The following CCDC85C variants were observed in gnomAD, a reference collection of about 807,000 sequenced individuals.
The protein encoded by CCDC85C is coiled-coil domain-containing protein 85C.
A neutral mutation model predicts 38.3 loss-of-function variants in CCDC85C; 18 were observed. That is an observed-to-expected ratio of 0.47 (90% CI 0.33 to 0.70). CCDC85C has a LOEUF of 0.70. Ranked by LOEUF, CCDC85C falls within the 30% of genes least tolerant of loss-of-function variation. CCDC85C has a pLI of 0.03. For synonymous variants in CCDC85C, 264 were observed against 293.8 expected (o/e 0.90, Z 1.04); for missense variants, 566 against 621.2 (o/e 0.91, Z 0.94).
chr14:99,559,416 T>C (rs1400526842), intron 1 of CCDC85C, among the ~76,000 whole-genome samples: 1 of 152,122 alleles, frequency 6.6e-6, no homozygotes, highest in African/African-American at 2.4e-5. Flanking sequence ...TATTACACCT[T>C]CTCTTATAGA....
At position 99,522,327 on chromosome 14, in the gene CCDC85C, G is replaced by C. The variant is rs537577460; in HGVS notation, c.868-87C>G. Reference sequence around the variant, plus strand: ...GGGCATGGCTCCTCACGGCAGCAGGGGCTGCTCAAAGGCACGGCCCCGGAG... The same window carrying C: ...GGGCATGGCTCCTCACGGCAGCAGGCGCTGCTCAAAGGCACGGCCCCGGAG... On this transcript the variant is annotated intron_variant, in intron 2 of 5. Transcript: ENST00000380243. 5 of 1,041,752 alleles carry C rather than the reference G, an allele frequency of 4.8e-6. No individual in the cohort carries two copies. In the African/African-American group the frequency reaches 8.0e-5, roughly 17 times the overall value. The allele number at this position is 1,041,752 out of a possible 1,614,324, so 64.5% of individuals were successfully genotyped here. A position where few individuals can be genotyped will look rare whatever the true frequency, so the allele number is the denominator to read the frequency against.
rs961352949 is a variant in CCDC85C, at chr14:99,515,466, C to T, written c.1171-131G>A. On this transcript the variant is annotated intron_variant, in intron 5 of 5. Coordinates refer to ENST00000380243, the MANE Select transcript of CCDC85C (RefSeq NM_001144995.2). ...CATGGGGCCAGGAGGGACACGGAGG[C>T]CACTGCAGGCCCAGAGACACCCACA... The T allele has an allele frequency of 4.7e-6, 3 of 642,340 alleles. No individual in the cohort carries two copies. In the Admixed American group the frequency reaches 7.6e-5, roughly 16 times the overall value. The allele number at this position is 642,340 out of a possible 1,614,324, so 39.8% of individuals were successfully genotyped here. A position where few individuals can be genotyped will look rare whatever the true frequency, so the allele number is the denominator to read the frequency against.
At position 99,603,149 on chromosome 14, in the gene CCDC85C, G is replaced by C; in HGVS notation, c.793+18C>G. ...GCAGCCAGGGAGACCCGCGCTGCCCGGCCCGTGTAGTCCTTACCGTGCAGG... is the reference window on the plus strand; with the variant it reads ...GCAGCCAGGGAGACCCGCGCTGCCCCGCCCGTGTAGTCCTTACCGTGCAGG... On this transcript the variant is annotated intron_variant, in intron 1 of 5. Coordinates refer to ENST00000380243, the MANE Select transcript of CCDC85C (RefSeq NM_001144995.2). This position sits in a 1 kb window ranked among gnomAD's most constrained non-coding sequence, Gnocchi z 7.5. 7.6e-7 allele frequency: 1 copy of C among 1,315,896 alleles called. No homozygotes were observed. The highest frequency in any genetic ancestry group is 2.0e-5 in the South Asian group (1 of 49,442). The allele number at this position is 1,315,896 out of a possible 1,614,324, so 81.5% of individuals were successfully genotyped here. A position where few individuals can be genotyped will look rare whatever the true frequency, so the allele number is the denominator to read the frequency against.
At chr14:99,565,226 CT>C (rs1375719137) in intron 1 of CCDC85C, among the ~76,000 whole-genome samples, 1 of 152,232 alleles carries the variant, frequency 6.6e-6, no homozygotes, top group Non-Finnish European at 1.5e-5. Context: ...CCAGCTGCCC[CT>C]CTCACCTTCC....
chr14:99,557,467 T>C (rs1048750707), intron 1 of CCDC85C, among the ~76,000 whole-genome samples: 3 of 152,180 alleles, frequency 2.0e-5, no homozygotes, highest in African/African-American at 7.2e-5. Context: ...TCTGTGCCAT[T>C]TCCCCATATA....
In CCDC85C at chr14:99,501,336, C is replaced by G. The variant is rs778240539; in HGVS notation, c.*13910G>C. 6.4e-7 allele frequency: 1 copy of G among 1,554,648 alleles called. No homozygotes were observed. The highest frequency in any genetic ancestry group is 1.7e-5 in the Admixed American group (1 of 59,758). ...AATTTTTCTATTGCTATTAATTTAC[C>G]TTTTTGTCCCCATTTCTAGGTGATA... is the stretch of plus-strand genomic sequence containing the variant. On this transcript the variant is annotated 3_prime_UTR_variant, in exon 6 of 6. Transcript: ENST00000380243.
chr14:99,557,284 C>T (rs1161800691), intron 1 of CCDC85C, among the ~76,000 whole-genome samples: 2 of 152,212 alleles, frequency 1.3e-5, no homozygotes, highest in Admixed American at 1.3e-4. Flanking sequence ...GGCTCTAATT[C>T]ACCAGGGCAC....
chr14:99,579,918 C>G (rs2054946864), intron 1 of CCDC85C: 1 of 344,754 alleles, frequency 2.9e-6, no homozygotes, highest in Non-Finnish European at 5.8e-6. Context: ...ACCCTGCCCA[C>G]CCCCGTCTGG....
Position 99,603,870 on chromosome 14 carries a change from C to T in CCDC85C, c.90G>A (p.Glu30=). 1.3e-6 allele frequency: 2 copies of T among 1,513,600 alleles called. No individual in the cohort carries two copies. Among genetic ancestry groups the T allele is most frequent in the Non-Finnish European group, 1.8e-6 (2 of 1,137,210 alleles). 93.8% of individuals were successfully genotyped at this position (1,513,600 alleles called of 1,614,324 possible). The change falls in exon 1 of 6, where the codon GAG becomes GAA. Residue 30 remains glutamate, a synonymous_variant. Coordinates refer to ENST00000380243, the MANE Select transcript of CCDC85C (RefSeq NM_001144995.2). This position sits in a 1 kb window ranked among gnomAD's most constrained non-coding sequence, Gnocchi z 7.5. ...DEELLRWSKE[E]LARRLRRAEG... ...CGGCGCGCCGCAGCCGCCGCGCCAG[C>T]TCCTCCTTGCTCCAGCGCAGCAGCT...
chr14:99,506,187 A>G lies in CCDC85C; in HGVS notation c.*9059T>C, dbSNP rs946358486. 1.3e-5 allele frequency: 2 copies of G among 152,318 alleles called. No homozygotes were observed. Among genetic ancestry groups the G allele is most frequent in the Non-Finnish European group, 1.5e-5 (1 of 68,120 alleles). 9.4% of individuals were successfully genotyped at this position (152,318 alleles called of 1,614,324 possible). A position where few individuals can be genotyped will look rare whatever the true frequency, so the allele number is the denominator to read the frequency against. On this transcript the variant is annotated 3_prime_UTR_variant, in exon 6 of 6. Coordinates refer to ENST00000380243, the MANE Select transcript of CCDC85C (RefSeq NM_001144995.2). ...AAGAGAGAGGAAGTCCCTGGAACTT[A>G]AATTGAGCCTGTATTTGAGATGGAG... is the stretch of plus-strand genomic sequence containing the variant.
rs899168818 is a variant in CCDC85C, at chr14:99,509,949, G to A, written c.*5297C>T. The A allele has an allele frequency of 1.1e-4, 68 of 603,568 alleles. No homozygotes were observed. In the Middle Eastern group the frequency reaches 2.7e-3, roughly 24 times the overall value. 37.4% of individuals were successfully genotyped at this position (603,568 alleles called of 1,614,324 possible). On this transcript the variant is annotated 3_prime_UTR_variant, in exon 6 of 6. Coordinates refer to ENST00000380243, the MANE Select transcript of CCDC85C (RefSeq NM_001144995.2). The stretch of plus-strand genomic sequence containing the variant: ...GAGGGAGGGAAAACCCCAGGTCGTC[G>A]CAGACAGGGTGGAGGGCCTTCTTGA...
Position 99,500,230 on chromosome 14 carries a change from AAC to A in CCDC85C, c.*15014_*15015del, listed in dbSNP as rs1429615685. ...TTATTTCAAATAAATGAAAGATTTA[AAC>A]ACAAAATTGATTTGCCCCCATTTGC... On this transcript the variant is annotated 3_prime_UTR_variant, in exon 6 of 6. Coordinates refer to ENST00000380243, the MANE Select transcript of CCDC85C (RefSeq NM_001144995.2). The A allele has an allele frequency of 6.6e-6, 1 of 152,378 alleles. No homozygotes were observed. The highest frequency in any genetic ancestry group is 2.4e-5 in the African/African-American group (1 of 41,456). The allele number at this position is 152,378 out of a possible 1,614,324, so 9.4% of individuals were successfully genotyped here.
In CCDC85C at chr14:99,517,146, G is replaced by T. The variant is rs957847302; in HGVS notation, c.1013C>A (p.Pro338His). ...TCCTGCAGGGCTGTAGCCAGCAGAG[G>T]GGGGCGAGGGCAGCTCAGGTGCGGG... ...ACPAPELPSP[P>H]SAGYSPAGQK... The change falls in exon 4 of 6, where the codon CCC becomes CAC. Residue 338 changes from proline to histidine, a missense_variant. This residue lies in a region of CCDC85C where 286 missense variants were observed against 276.4 expected (regional missense o/e 1.03). Coordinates refer to ENST00000380243, the MANE Select transcript of CCDC85C (RefSeq NM_001144995.2). The T allele has an allele frequency of 1.9e-6, 3 of 1,550,008 alleles. No individual in the cohort carries two copies. The highest frequency in any genetic ancestry group is 2.7e-5 in the African/African-American group (2 of 73,034).
Position 99,502,878 on chromosome 14 carries a change from C to T in CCDC85C, c.*12368G>A, listed in dbSNP as rs752858323. The stretch of plus-strand genomic sequence containing the variant: ...TCTCAAAGCTCCGAACCATCCCAGC[C>T]CCAGCAGAAGGACCCCCAGCAACCA... On this transcript the variant is annotated 3_prime_UTR_variant, in exon 6 of 6. Coordinates refer to ENST00000380243, the MANE Select transcript of CCDC85C (RefSeq NM_001144995.2). 6.2e-7 allele frequency: 1 copy of T among 1,613,460 alleles called. No homozygotes were observed. Among genetic ancestry groups the T allele is most frequent in the Admixed American group, 1.7e-5 (1 of 59,992 alleles).
intron 1 of CCDC85C, among the ~76,000 whole-genome samples, chr14:99,540,405 G>A (rs543039422): frequency 2.7e-4 from 41 of 152,290 alleles, no homozygotes; most frequent in South Asian, 1.0e-3. Flanking sequence ...AGGAGACCCC[G>A]GGAAGGGCCG....
intron 1 of CCDC85C, among the ~76,000 whole-genome samples, chr14:99,568,275 CAA>C (rs1485158584): frequency 9.4e-5 from 3 of 31,756 alleles, no homozygotes; most frequent in African/African-American, 5.8e-4. Context: ...TTTTTTGAGA[CAA>C]AGTCTCACTC....
chr14:99,584,479 C>T (rs932249262), intron 1 of CCDC85C, among the ~76,000 whole-genome samples: 2 of 152,178 alleles, frequency 1.3e-5, no homozygotes, highest in Admixed American at 1.3e-4. Flanking sequence ...ACCATCACCA[C>T]ACGCTCCCCC....
intron 1 of CCDC85C, among the ~76,000 whole-genome samples, chr14:99,538,097 AC>A (rs1467302860): frequency 2.0e-5 from 3 of 152,128 alleles, no homozygotes; most frequent in African/African-American, 7.2e-5. Context: ...GGGGGTACCC[AC>A]TGTCCCATGT....
At chr14:99,531,858 TCTTC>T (rs1480149244) in intron 2 of CCDC85C, among the ~76,000 whole-genome samples, 1 of 152,232 alleles carries the variant, frequency 6.6e-6, no homozygotes, top group Non-Finnish European at 1.5e-5. Flanking sequence ...GTGAACTCTT[TCTTC>T]AAGATTCCCA....
Sources: allele counts gnomAD v4.1 joint callset (sites outside exome capture counted in the v4.1 genomes callset), GRCh38; gene constraint gnomAD v4.1.1; regional missense constraint gnomAD v4.1.1; non-coding constraint Gnocchi (gnomAD v3.1); transcripts MANE v1.5; gene names NCBI Gene and HGNC (gene_info 2026-07-23, HGNC 2026-07-21).